TTN: variants seen among roughly 807,000 people sequenced by gnomAD.
The protein encoded by TTN is titin.
TTN carries 1,525 observed loss-of-function variants against 3,223.0 expected under a neutral mutation model. The observed-to-expected ratio is 0.47, with a 90% CI of 0.45 to 0.49. The LOEUF (loss-of-function observed/expected upper bound fraction) is 0.49. TTN is among the 20% of genes least tolerant of loss of function. The probability of loss-of-function intolerance (pLI) is 0.00; values close to 1 mark genes in which losing one functional copy is unlikely to be tolerated. For missense variants in TTN, 40,786 were observed against 43,424.0 expected (o/e 0.94, Z 5.40); for synonymous variants, 14,094 against 15,161.0 (o/e 0.93, Z 5.17).
rs560001333 is a variant in TTN at position 178,787,467 on chromosome 2, A to G, written c.2077-1326T>C. On this transcript the variant is annotated intron_variant, in intron 13 of 362. Transcript: ENST00000589042. ...TTGGCAATGAGCTGACTTTAATTGTATAGACATTTTAAAATGTTAACATCT... is the reference window on the plus strand; with the variant it reads ...TTGGCAATGAGCTGACTTTAATTGTGTAGACATTTTAAAATGTTAACATCT... Among the ~76,000 whole-genome samples the G allele has an allele frequency of 2.6e-3, 403 of 152,268 alleles. 3 individuals carry two copies. The highest frequency in any genetic ancestry group is 9.2e-3 in the African/African-American group (382 of 41,572).
intron 334 of TTN, 44 bp downstream of exon 334, chr2:178,553,458 A>T: frequency 6.3e-7 from 1 of 1,577,896 alleles, no homozygotes; most frequent in Non-Finnish European, 8.6e-7. Context: ...GATTTCCTGG[A>T]AGTATGCTTA....
At position 178,543,120 on chromosome 2, in the gene TTN, C is replaced by T. The variant is rs747046501; in HGVS notation, c.96853G>A (p.Val32285Met). 2.5e-6 allele frequency: 4 copies of T among 1,610,160 alleles called. No individual in the cohort carries two copies. The East Asian group carries it at 6.7e-5, about 27-fold the overall frequency. The change falls in exon 347 of 363, where the codon GTG becomes ATG. Residue 32285 changes from valine (V) to methionine (M), a missense_variant. By Grantham distance (21) the Val-to-Met change is conservative (BLOSUM62 1). Coordinates refer to ENST00000589042, the MANE Select transcript of TTN (RefSeq NM_001267550.2). ...FRIRAQNEKG[V>M]SEPRETVTAV... ...GTGACAGTCTCTCTTGGTTCTGACA[C>T]ACCTTTCTCATTTTGTGCCCTTATT...
At position 178,542,552 on chromosome 2, in the gene TTN, G is replaced by A. The variant is rs764632520; in HGVS notation, c.97204C>T (p.Pro32402Ser). 3 of 1,602,136 alleles carry A rather than the reference G, an allele frequency of 1.9e-6. No homozygotes were observed. The highest frequency in any genetic ancestry group is 1.3e-5 in the African/African-American group (1 of 74,740). The stretch of plus-strand genomic sequence containing the variant: ...TCAATCTTAATAGGTCCTGTTGGTG[G>A]ACCAGGCTTGTCTATGAAAGAGAAG... The part of the protein sequence containing the change: ...IKVIILDKPG[P>S]PTGPIKIDEI... The change falls in exon 349 of 363, where the codon CCA (proline) becomes TCA (serine). Residue 32402 changes from proline (P) to serine (S), a missense_variant. Pro to Ser is a moderately conservative substitution (Grantham distance 74). Coordinates refer to ENST00000589042, the MANE Select transcript of TTN (RefSeq NM_001267550.2).
Position 178,573,366 on chromosome 2 carries a change from T to A in TTN, c.72766A>T (p.Asn24256Tyr), listed in dbSNP as rs187868672. 2.0e-6 allele frequency: 3 copies of A among 1,525,484 alleles called. No individual in the cohort carries two copies. The highest frequency in any genetic ancestry group is 2.8e-5 in the African/African-American group (2 of 71,994). 94.5% of individuals were successfully genotyped at this position (1,525,484 alleles called of 1,614,324 possible). Residue 24256 changes from asparagine to tyrosine, a missense_variant, in exon 326 of 363, where the codon AAT becomes TAT. Coordinates refer to ENST00000589042, the MANE Select transcript of TTN (RefSeq NM_001267550.2). ...TTATCACGCCGTTCCACAATATAATTGATGATTTCACTTCCACCATCAGAA... is the reference window on the plus strand; with the variant it reads ...TTATCACGCCGTTCCACAATATAATAGATGATTTCACTTCCACCATCAGAA... ...PDSDGGSEII[N>Y]YIVERRDKAG...
chr2:178,633,336 TAC>T lies in TTN; in HGVS notation c.42947-12_42947-11del, dbSNP rs1352151183. 1.9e-5 allele frequency: 31 copies of T among 1,612,862 alleles called. No individual in the cohort carries two copies. The highest frequency in any genetic ancestry group is 2.6e-5 in the Non-Finnish European group (31 of 1,179,464). On this transcript the variant is annotated splice_polypyrimidine_tract_variant and intron_variant, in intron 232 of 362. Coordinates refer to ENST00000589042, the MANE Select transcript of TTN (RefSeq NM_001267550.2). ...ACTTTTATTAGTCGAGCTGAAATGA[TAC>T]AGTTTTGTTAGCATGACTGAACTAA...
At chr2:178,630,458 AC>A in intron 238 of TTN, 91 bp from the exon 239 acceptor site, 4 of 1,420,400 alleles carry the variant, frequency 2.8e-6, no homozygotes, top group Non-Finnish European at 3.8e-6. Flanking sequence ...AAGGAATGCA[AC>A]AAATAAATGG....
Position 178,618,350 on chromosome 2 carries a change from G to C in TTN, c.47108C>G (p.Thr15703Ser). The C allele has an allele frequency of 6.2e-7, 1 of 1,612,554 alleles. No homozygotes were observed. The highest frequency in any genetic ancestry group is 8.5e-7 in the Non-Finnish European group (1 of 1,179,106). ...VVERRDIKRK[T>S]WVLATDRAES... ...TGCACGGTCTGTGGCCAGAACCCAG[G>C]TCTTTCTCTTAATGTCACGTCTTTC... Residue 15703 changes from threonine (T) to serine (S), a missense_variant, in exon 252 of 363, where the codon ACC (threonine) becomes AGC (serine). Physicochemically the swap from Thr to Ser is moderately conservative, Grantham distance 58. Coordinates refer to ENST00000589042, the MANE Select transcript of TTN (RefSeq NM_001267550.2).
intron 78 of TTN, 69 bp downstream of exon 78, chr2:178,721,778 G>A (rs941936264): frequency 1.2e-5 from 17 of 1,424,454 alleles, no homozygotes; most frequent in Non-Finnish European, 1.6e-5. Flanking sequence ...AAAAACCAAA[G>A]AAACTTTTAT....
At chr2:178,749,012 A>G (rs1468010963) in intron 47 of TTN, 20 of 1,612,244 alleles carry the variant, frequency 1.2e-5, no homozygotes, top group Non-Finnish European at 1.7e-5. Flanking sequence ...TAATTTTTCA[A>G]ATTCGATAAT....
Position 178,574,902 on chromosome 2 carries a change from C to T in TTN, c.71230G>A (p.Val23744Ile), listed in dbSNP as rs2154171872. 1.2e-6 allele frequency: 2 copies of T among 1,612,808 alleles called. No individual in the cohort carries two copies. Among genetic ancestry groups the T allele is most frequent in the East Asian group, 2.2e-5 (1 of 44,610 alleles). The change falls in exon 326 of 363, where the codon GTA becomes ATA. Residue 23744 changes from valine (V) to isoleucine (I), a missense_variant. Val to Ile is a conservative substitution (Grantham distance 29). Transcript: ENST00000589042. The stretch of plus-strand genomic sequence containing the variant: ...TCAGGTGGGTCCCAAGAGAAGGTTA[C>T]AAAATCAGATGAAACTTCATCAAAT... ...IKFDEVSSDF[V>I]TFSWDPPEND...
At chr2:178,628,119 T>A (rs1262669696) in intron 240 of TTN, among the ~76,000 whole-genome samples, 1 of 152,070 alleles carries the variant, frequency 6.6e-6, no homozygotes, top group Non-Finnish European at 1.5e-5. Flanking sequence ...ATTATCTGTA[T>A]AACAGGCAGG....
rs1559632162 is a variant in TTN, at chr2:178,595,498, T to TTAC, written c.57847+8_57847+9insGTA. On this transcript the variant is annotated intron_variant, in intron 295 of 362. Coordinates refer to ENST00000589042, the MANE Select transcript of TTN (RefSeq NM_001267550.2). ...GTGATTAAGTATACATTTTTTTTTT[T>TTAC]TTACTTACTTATTGGCTCTCTGATA... 6.5e-7 allele frequency: 1 copy of TTAC among 1,545,684 alleles called. No homozygotes were observed. The highest frequency in any genetic ancestry group is 2.0e-5 in the Admixed American group (1 of 49,682).
Position 178,549,455 on chromosome 2 carries a change from C to T in TTN, c.92171G>A (p.Gly30724Asp). The change falls in exon 339 of 363, where the codon GGC becomes GAC. Residue 30724 changes from glycine (G) to aspartate (D), a missense_variant. Gly to Asp is a moderately conservative substitution (Grantham distance 94). Coordinates refer to ENST00000589042, the MANE Select transcript of TTN (RefSeq NM_001267550.2). Reference sequence around the variant, plus strand: ...TGTTATGTTGCTAGGTTCTGGAATGCCAGGGGCATCAGGAACAGCTGTAAA... The same window carrying T: ...TGTTATGTTGCTAGGTTCTGGAATGTCAGGGGCATCAGGAACAGCTGTAAA... ...QIQYTVPDAP[G>D]IPEPSNITGN... is the part of the protein sequence containing the mutation. 1.2e-6 allele frequency: 2 copies of T among 1,604,918 alleles called. No individual in the cohort carries two copies. Among genetic ancestry groups the T allele is most frequent in the Non-Finnish European group, 1.7e-6 (2 of 1,173,868 alleles).
At position 178,527,465 on chromosome 2, in the gene TTN, C is replaced by T. The variant is rs764323200; in HGVS notation, c.107661G>A (p.Met35887Ile). 1 of 1,613,566 alleles carries T rather than the reference C, an allele frequency of 6.2e-7. No individual in the cohort carries two copies. Among genetic ancestry groups the T allele is most frequent in the African/African-American group, 1.3e-5 (1 of 74,938 alleles). Residue 35887 changes from methionine (M) to isoleucine (I), a missense_variant, in exon 362 of 363, where the codon ATG becomes ATA. By Grantham distance (10) the Met-to-Ile change is conservative. Coordinates refer to ENST00000589042, the MANE Select transcript of TTN (RefSeq NM_001267550.2). ...MTQLESSTSK[M>I]LKAGIRGIPP... The stretch of plus-strand genomic sequence containing the variant: ...GCTCACCTCTTATGCCTGCTTTAAG[C>T]ATTTTACTAGTTGAGCTTTCCAGTT...
rs368200299 is a variant in TTN at position 178,620,285 on chromosome 2, G to T, written c.46236C>A (p.Cys15412Ter). ...CATTGGCTTTCTCTCTGGAGAGCTG[G>T]CAGGAGAAGACAGCGTCATCGAACT... ...VTEFDDAVFS[C>*]QLSREKANVK... Residue 15412 changes from cysteine (C) to a stop codon, truncating the protein, a stop_gained, in exon 248 of 363, where the codon TGC becomes TGA. Transcript: ENST00000589042. LOFTEE classifies it high-confidence loss of function. 1.3e-5 allele frequency: 20 copies of T among 1,551,836 alleles called. No individual in the cohort carries two copies. Among genetic ancestry groups the T allele is most frequent in the Non-Finnish European group, 1.7e-5 (20 of 1,150,756 alleles).
Position 178,551,024 on chromosome 2 carries a change from C to G in TTN, c.91507G>C (p.Gly30503Arg), listed in dbSNP as rs1161946493. Residue 30503 changes from glycine to arginine, a missense_variant, in exon 336 of 363, where the codon GGA becomes CGA. By Grantham distance (125) the Gly-to-Arg change is moderately radical (BLOSUM62 -2). Coordinates refer to ENST00000589042, the MANE Select transcript of TTN (RefSeq NM_001267550.2). ...GACTGTGAGGGCGGGCTTATAGTTC[C>G]AACAGCATTTCTTGCAATTATTCTG... ...EFRIIARNAV[G>R]TISPPSQSSG... 1 of 1,613,396 alleles carries G rather than the reference C, an allele frequency of 6.2e-7. No homozygotes were observed. Among genetic ancestry groups the G allele is most frequent in the Admixed American group, 1.7e-5 (1 of 59,978 alleles).
At position 178,598,965 on chromosome 2, in the gene TTN, A is replaced by G; in HGVS notation, c.56745T>C (p.Pro18915=). ...TCATTTCCAGCCAGTACCCTGTCAC[A>G]GGAGAGCCTCCATCATATTCTGGCT... ...WEEPEYDGGS[P]VTGYWLEMKD... Residue 18915 remains proline (P), a synonymous_variant, in exon 291 of 363, where the codon CCT becomes CCC. Transcript: ENST00000589042. 1 of 1,612,666 alleles carries G rather than the reference A, an allele frequency of 6.2e-7. No homozygotes were observed. The highest frequency in any genetic ancestry group is 8.5e-7 in the Non-Finnish European group (1 of 1,179,416).
intron 218 of TTN, among the ~76,000 whole-genome samples, chr2:178,644,036 A>T (rs920010945): frequency 1.1e-4 from 16 of 152,014 alleles, no homozygotes; most frequent in African/African-American, 3.9e-4. Context: ...ATTTTTCTGA[A>T]ATGTGAGTTC....
intron 78 of TTN, 107 bp from the exon 79 acceptor site, chr2:178,721,309 TA>T: frequency 1.0e-6 from 1 of 956,000 alleles, no homozygotes; most frequent in Non-Finnish European, 1.4e-6. Flanking sequence ...ACTGGTTTGT[TA>T]TTAAGAATAT....
Sources: gnomAD v4.1 joint callset for allele counts (sites outside exome capture counted in the v4.1 genomes callset) on GRCh38, gnomAD v4.1.1 for gene constraint, MANE v1.5 for transcripts, NCBI Gene and HGNC (gene_info 2026-07-23, HGNC 2026-07-21) for gene names.